Variants in TMEM63C observed in about 807,000 individuals in gnomAD.
TMEM63C encodes the protein osmosensitive cation channel TMEM63C.
Under a neutral mutation model 99.2 loss-of-function variants are expected in TMEM63C, and 32 were observed. That is an observed-to-expected ratio of 0.32 (90% CI 0.24 to 0.43). The LOEUF is 0.43. TMEM63C is among the 20% of genes least tolerant of loss of function. TMEM63C has a pLI of 1.00. For synonymous variants in TMEM63C, 376 were observed against 397.9 expected, an observed-to-expected ratio of 0.94 and a Z score of 0.66; for missense variants, 826 against 1,053.0, an observed-to-expected ratio of 0.78 and a Z score of 2.98.
chr14:77,223,673 G>C (rs1001861661), intron 5 of TMEM63C, among the ~76,000 whole-genome samples: 3 of 145,188 alleles, frequency 2.1e-5, no homozygotes, highest in African/African-American at 7.7e-5. Flanking sequence ...ACACATGAGA[G>C]AGACAGAGAG....
At position 77,226,910 on chromosome 14, in the gene TMEM63C, G is replaced by T. The variant is rs1004202360; in HGVS notation, c.350+1449G>T. ...AGCCTCCCGAGTAGCTGGGATTAGA[G>T]GCACGTGCCACCATGTCCAGCTAAT... On this transcript the variant is annotated intron_variant, in intron 6 of 23. Transcript: ENST00000298351. Among the ~76,000 whole-genome samples, 8 of 152,234 alleles carry T rather than the reference G, an allele frequency of 5.3e-5. No individual in the cohort carries two copies. In the South Asian group the frequency reaches 8.3e-4, roughly 16 times the overall value.
chr14:77,233,533 G>A (rs1405299337), intron 8 of TMEM63C, 33 bp downstream of exon 8: 1 of 1,610,202 alleles, frequency 6.2e-7, no homozygotes, highest in South Asian at 1.1e-5. Context: ...CCATTCCATT[G>A]GCTGGGGGTG....
In TMEM63C at chr14:77,239,438, C is replaced by A; in HGVS notation, c.752C>A (p.Thr251Lys). 6.2e-7 allele frequency: 1 copy of A among 1,613,616 alleles called. No individual in the cohort carries two copies. Among genetic ancestry groups the A allele is most frequent in the Admixed American group, 1.7e-5 (1 of 60,016 alleles). ...GAGGCCTATCCAGGCAGTGTCGTGACAAGAGTCCACTTCTGCTACGACGTC... is the reference window on the plus strand; with the variant it reads ...GAGGCCTATCCAGGCAGTGTCGTGAAAAGAGTCCACTTCTGCTACGACGTC... ...FHEAYPGSVV[T>K]RVHFCYDVRN... The change falls in exon 11 of 24, where the codon ACA (threonine) becomes AAA (lysine). Residue 251 changes from threonine to lysine, a missense_variant. Coordinates refer to ENST00000298351, the MANE Select transcript of TMEM63C (RefSeq NM_020431.4).
At chr14:77,190,764 A>G (rs923738806) in intron 1 of TMEM63C, among the ~76,000 whole-genome samples, 3 of 152,204 alleles carry the variant, frequency 2.0e-5, no homozygotes, top group East Asian at 3.8e-4. Flanking sequence ...GAATAGATGG[A>G]TATTGCTTAA....
In TMEM63C at chr14:77,208,383, A is replaced by G. The variant is rs1233583646; in HGVS notation, c.-76-5063A>G. Among the ~76,000 whole-genome samples the G allele has an allele frequency of 2.6e-4, 40 of 152,022 alleles. 2 individuals are homozygous for G. The highest frequency in any genetic ancestry group is 2.6e-3 in the Admixed American group (40 of 15,264). On this transcript the variant is annotated intron_variant, in intron 1 of 23. Coordinates refer to ENST00000298351, the MANE Select transcript of TMEM63C (RefSeq NM_020431.4). ...AGCTTTTGCCACAATTGCCTCTCAC[A>G]CCACCCCCTCCCTGGGAGCCAGAGA...
chr14:77,209,635 G>A (rs954707047), intron 1 of TMEM63C, among the ~76,000 whole-genome samples: 2 of 152,188 alleles, frequency 1.3e-5, no homozygotes, highest in African/African-American at 4.8e-5. Context: ...GTGGGAACAA[G>A]GTTCAGACAG....
Position 77,231,615 on chromosome 14 carries a change from G to C in TMEM63C, c.378G>C (p.Gly126=). Residue 126 remains glycine (G), a synonymous_variant, in exon 7 of 24, where the codon GGG becomes GGC. Coordinates refer to ENST00000298351, the MANE Select transcript of TMEM63C (RefSeq NM_020431.4). ...ACGAGGATCTGATTAACAAGTGTGG[G>C]GACGACGCGCGCATCTACATCGTGT... ...MKDEDLINKC[G]DDARIYIVFQ... 1 of 1,551,628 alleles carries C rather than the reference G, an allele frequency of 6.4e-7. No individual in the cohort carries two copies. Among genetic ancestry groups the C allele is most frequent in the Non-Finnish European group, 8.7e-7 (1 of 1,147,008 alleles).
intron 21 of TMEM63C, among the ~76,000 whole-genome samples, chr14:77,250,598 C>A (rs906045067): frequency 6.6e-6 from 1 of 152,000 alleles, no homozygotes; most frequent in African/African-American, 2.4e-5. Context: ...TGCCACCACG[C>A]CCCGCTAATT....
At chr14:77,232,795 A>G (rs1291075548) in intron 7 of TMEM63C, among the ~76,000 whole-genome samples, 1 of 152,244 alleles carries the variant, frequency 6.6e-6, no homozygotes, top group Non-Finnish European at 1.5e-5. Context: ...TGGGTGGTGC[A>G]GAATAGCACC....
At chr14:77,234,822 C>T (rs531878390) in intron 8 of TMEM63C, among the ~76,000 whole-genome samples, 6 of 152,242 alleles carry the variant, frequency 3.9e-5, no homozygotes, top group East Asian at 1.9e-4. Context: ...TGCTGCAAAC[C>T]GTCTGGTCCT....
chr14:77,204,588 G>A (rs1441386502), intron 1 of TMEM63C, among the ~76,000 whole-genome samples: 2 of 152,226 alleles, frequency 1.3e-5, no homozygotes, highest in African/African-American at 4.8e-5. Context: ...AGCAAACACA[G>A]CCAAGGGCTC....
At chr14:77,255,383 G>A (rs1889444217) in intron 23 of TMEM63C, among the ~76,000 whole-genome samples, 1 of 152,188 alleles carries the variant, frequency 6.6e-6, no homozygotes, top group Admixed American at 6.5e-5. Flanking sequence ...TGCCTTAATT[G>A]TTCCAGAAGT....
At chr14:77,182,533 C>A (rs990415071) in intron 1 of TMEM63C, among the ~76,000 whole-genome samples, 1 of 152,146 alleles carries the variant, frequency 6.6e-6, no homozygotes, top group Non-Finnish European at 1.5e-5. Flanking sequence ...TGTGGCTTGA[C>A]CAAGGTCACT....
intron 1 of TMEM63C, among the ~76,000 whole-genome samples, chr14:77,200,369 C>T (rs1199200236): frequency 6.6e-6 from 1 of 152,234 alleles, no homozygotes; most frequent in Non-Finnish European, 1.5e-5. Context: ...CCCCTCGGCA[C>T]AGCCTCCCTG....
In TMEM63C at chr14:77,231,573, G is replaced by A; in HGVS notation, c.351-15G>A. 1 of 1,551,562 alleles carries A rather than the reference G, an allele frequency of 6.4e-7. No homozygotes were observed. The highest frequency in any genetic ancestry group is 8.7e-7 in the Non-Finnish European group (1 of 1,146,958). ...TGGCTCCTGAGGCACGTCCTTGTCT[G>A]TGTGTCTCTTCCAGGGACGAGGATC... On this transcript the variant is annotated splice_polypyrimidine_tract_variant and intron_variant, in intron 6 of 23. Transcript: ENST00000298351.
chr14:77,246,299 A>G (rs1889267745), intron 17 of TMEM63C, among the ~76,000 whole-genome samples: 1 of 152,272 alleles, frequency 6.6e-6, no homozygotes, highest in African/African-American at 2.4e-5. Flanking sequence ...AACACAGCCA[A>G]AAAGCAGTGG....
chr14:77,199,329 C>A (rs1489485643), intron 1 of TMEM63C, among the ~76,000 whole-genome samples: 6 of 152,142 alleles, frequency 3.9e-5, no homozygotes. Flanking sequence ...TGCCCTTCCT[C>A]CAAGACCTTC....
intron 1 of TMEM63C, among the ~76,000 whole-genome samples, chr14:77,196,820 T>C (rs1004951511): frequency 6.6e-6 from 1 of 152,234 alleles, no homozygotes; most frequent in African/African-American, 2.4e-5. Flanking sequence ...AGGTGTAATC[T>C]TGTCAAAACA....
intron 23 of TMEM63C, among the ~76,000 whole-genome samples, chr14:77,255,283 G>A (rs184786727): frequency 5.9e-5 from 9 of 152,304 alleles, no homozygotes; most frequent in African/African-American, 1.7e-4. Flanking sequence ...GAGCCACCAC[G>A]CCAGGCCTAT....
Sources: gnomAD v4.1 joint callset for allele counts (sites outside exome capture counted in the v4.1 genomes callset) on GRCh38, gnomAD v4.1.1 for gene constraint, MANE v1.5 for transcripts, NCBI Gene and HGNC (gene_info 2026-07-23, HGNC 2026-07-21) for gene names.